Variants in CPA4 observed in about 807,000 individuals in gnomAD.
CPA4 encodes the protein carboxypeptidase A3.
A neutral mutation model predicts 54.7 loss-of-function variants in CPA4; 49 were observed. The observed-to-expected ratio is 0.90, with a 90% confidence interval of 0.71 to 1.14. CPA4 has a LOEUF of 1.14. Among genes scored for constraint, CPA4 ranks in the 50% most tolerant of loss-of-function variants. The pLI, the probability that CPA4 is intolerant of heterozygous loss-of-function variation, is 0.00. For missense variants in CPA4, 487 were observed against 525.1 expected (o/e 0.93, Z 0.71); for synonymous variants, 215 against 206.8 (o/e 1.04, Z -0.34).
chr7:130,297,651 G>A (rs1371087671), intron 1 of CPA4, among the ~76,000 whole-genome samples: 2 of 152,152 alleles, frequency 1.3e-5, no homozygotes, highest in East Asian at 3.9e-4. Flanking sequence ...GATGAAACCG[G>A]TTTTCTGATG....
rs1562930086 is a variant in CPA4, at chr7:130,306,831, G to A, written c.636G>A (p.Leu212=). 1 of 1,611,594 alleles carries A rather than the reference G, an allele frequency of 6.2e-7. No homozygotes were observed. Among genetic ancestry groups the A allele is most frequent in the African/African-American group, 1.3e-5 (1 of 74,984 alleles). Residue 212 remains leucine, a synonymous_variant, in exon 7 of 11, where the codon TTG becomes TTA. Coordinates refer to ENST00000222482, the MANE Select transcript of CPA4 (RefSeq NM_016352.4). ...GGGATCCAGCTATCACCTCCATCTT[G>A]GAGAAAATGGATATTTTCTTGTTGC... ...YQRDPAITSI[L]EKMDIFLLPV... is the part of the protein sequence containing the mutation.
At chr7:130,317,065 C>T (rs938187338) in intron 10 of CPA4, among the ~76,000 whole-genome samples, 2 of 152,118 alleles carry the variant, frequency 1.3e-5, no homozygotes, top group Non-Finnish European at 2.9e-5. Context: ...TATGGCTGAG[C>T]ATATCTTGTA....
intron 1 of CPA4, among the ~76,000 whole-genome samples, chr7:130,295,475 C>T (rs1397516026): frequency 6.6e-6 from 1 of 152,186 alleles, no homozygotes; most frequent in African/African-American, 2.4e-5. Flanking sequence ...CCTCCCAGGC[C>T]AATTTCCATC....
rs1468597120 is a variant in CPA4 at position 130,311,443 on chromosome 7, A to G, written c.993+457A>G. Among the ~76,000 whole-genome samples, 5 of 152,304 alleles carry G rather than the reference A, an allele frequency of 3.3e-5. No individual in the cohort carries two copies. In the East Asian group the frequency reaches 7.7e-4, roughly 24 times the overall value. ...GGAGGGTGACTGCAGGTGGCTGCCC[A>G]GGCTCACAGCCAGCCCTTAAACCTC... On this transcript the variant is annotated intron_variant, in intron 9 of 10. Transcript: ENST00000222482.
intron 6 of CPA4, 113 bp downstream of exon 6, chr7:130,306,033 T>G (rs1793815337): frequency 2.4e-6 from 2 of 820,562 alleles, no homozygotes; most frequent in African/African-American, 3.4e-5. Flanking sequence ...TAAGACCCAG[T>G]CGGCTGGGGG....
At chr7:130,311,941 G>A (rs774592059) in intron 9 of CPA4, 97 bp from the exon 10 acceptor site, 70 of 876,824 alleles carry the variant, frequency 8.0e-5, no homozygotes, top group East Asian at 2.0e-4. Flanking sequence ...AATCGGGGGG[G>A]GCTGAGAATC....
rs188433952 is a variant in CPA4 at position 130,297,854 on chromosome 7, T to C, written c.69-892T>C. 3.9e-5 allele frequency among the ~76,000 whole-genome samples: 6 copies of C among 152,306 alleles called. No individual in the cohort carries two copies. In the East Asian group the frequency reaches 1.2e-3, roughly 29 times the overall value. The stretch of plus-strand genomic sequence containing the variant: ...ATGGCTCCCATCTCCCCCAGCCAGC[T>C]GAGAGCATAAAGGCAGCATTTCAGG... On this transcript the variant is annotated intron_variant, in intron 1 of 10. Coordinates refer to ENST00000222482, the MANE Select transcript of CPA4 (RefSeq NM_016352.4).
chr7:130,308,656 C>T (rs1793864768), intron 8 of CPA4, among the ~76,000 whole-genome samples: 2 of 151,738 alleles, frequency 1.3e-5, no homozygotes, highest in South Asian at 4.2e-4. Flanking sequence ...CTCCTGGGTT[C>T]AAGTGATTCT....
At chr7:130,316,892 A>T (rs1184034410) in intron 10 of CPA4, among the ~76,000 whole-genome samples, 1 of 144,844 alleles carries the variant, frequency 6.9e-6, no homozygotes, top group African/African-American at 2.6e-5. Flanking sequence ...CTGGGCTACA[A>T]GAGCGAAACT....
intron 7 of CPA4, among the ~76,000 whole-genome samples, chr7:130,307,241 GAA>G (rs72406904): frequency 4.7e-5 from 7 of 149,240 alleles, no homozygotes; most frequent in African/African-American, 9.8e-5. Flanking sequence ...ACTGACGATA[GAA>G]AAAAAAAAAT....
In CPA4 at chr7:130,318,436, C is replaced by T. The variant is rs926002874; in HGVS notation, c.1079-4053C>T. ...TTCTTTTCTTTTTGAAATGGAGTTT[C>T]GTTTCGCTCTTGTTGCCCAGGCTGG... is the stretch of plus-strand genomic sequence containing the variant. On this transcript the variant is annotated intron_variant, in intron 10 of 10. Coordinates refer to ENST00000222482, the MANE Select transcript of CPA4 (RefSeq NM_016352.4). Among the ~76,000 whole-genome samples, 14 of 152,266 alleles carry T rather than the reference C, an allele frequency of 9.2e-5. No homozygotes were observed. The Middle Eastern group carries it at 0.014, about 148-fold the overall frequency.
intron 3 of CPA4, 51 bp from the exon 4 acceptor site, chr7:130,300,765 T>C: frequency 3.0e-6 from 4 of 1,333,178 alleles, no homozygotes; most frequent in Non-Finnish European, 4.3e-6. Context: ...AGAAAAAACA[T>C]AAACCTGCGT....
At position 130,308,310 on chromosome 7, in the gene CPA4, C is replaced by T. The variant is rs372059567; in HGVS notation, c.706C>T (p.Arg236Ter). The change falls in exon 8 of 11, where the codon CGA (arginine) becomes TGA (stop). Residue 236 changes from arginine (R) to a stop codon, truncating the protein, a stop_gained. Coordinates refer to ENST00000222482, the MANE Select transcript of CPA4 (RefSeq NM_016352.4). LOFTEE classifies it high-confidence loss of function. ...DGYVYTQTQN[R>*]LWRKTRSRNP... ...CCCTCCTTGGTGGCTTTTTCAGAAC[C>T]GATTATGGAGGAAGACGCGGTCCCG... The T allele has an allele frequency of 4.5e-5, 73 of 1,613,888 alleles. No homozygotes were observed. The highest frequency in any genetic ancestry group is 5.7e-5 in the Non-Finnish European group (67 of 1,179,942).
chr7:130,306,386 AAAAG>A, intron 6 of CPA4: 1 of 214,134 alleles, frequency 4.7e-6, no homozygotes, highest in Admixed American at 5.4e-5. Flanking sequence ...CTGTCTTAAA[AAAAG>A]AAAGAAAGAA....
intron 3 of CPA4, 113 bp downstream of exon 3, chr7:130,299,517 C>T: frequency 4.0e-6 from 4 of 989,810 alleles, no homozygotes; most frequent in Non-Finnish European, 6.0e-6. Flanking sequence ...TTTTATAGAC[C>T]AGGAAATGGA....
intron 4 of CPA4, among the ~76,000 whole-genome samples, chr7:130,304,051 G>A (rs1393956404): frequency 6.6e-6 from 1 of 150,904 alleles, no homozygotes; most frequent in African/African-American, 2.4e-5. Flanking sequence ...GTTTCTTGTA[G>A]AGATGGGGTC....
Position 130,305,823 on chromosome 7 carries a change from C to A in CPA4, c.494C>A (p.Thr165Asn). The A allele has an allele frequency of 6.2e-7, 1 of 1,614,044 alleles. No homozygotes were observed. ...CTTTTCTCCCTTCTGCAGTTCAGCACTGGGAAAGGCGTGAGGCGGCCGGCC... is the reference window on the plus strand; with the variant it reads ...CTTTTCTCCCTTCTGCAGTTCAGCAATGGGAAAGGCGTGAGGCGGCCGGCC... ...NRPMYVLKFS[T>N]GKGVRRPAVW... Residue 165 changes from threonine (T) to asparagine (N), a missense_variant, in exon 6 of 11, where the codon ACT becomes AAT. By Grantham distance (65) the Thr-to-Asn change is moderately conservative. Transcript: ENST00000222482.
chr7:130,302,762 G>A lies in CPA4; in HGVS notation c.385-1716G>A, dbSNP rs73721862. On this transcript the variant is annotated intron_variant, in intron 4 of 10. Coordinates refer to ENST00000222482, the MANE Select transcript of CPA4 (RefSeq NM_016352.4). ...TCCCTAGGGTCAGTGGGTAGAGTGG[G>A]TAGAATTTCCAGGCCCTTTTTGTGG... Among the ~76,000 whole-genome samples, 651 of 152,252 alleles carry A rather than the reference G, an allele frequency of 4.3e-3. 5 individuals are homozygous for A. The highest frequency in any genetic ancestry group is 0.014 in the African/African-American group (600 of 41,552).
intron 1 of CPA4, among the ~76,000 whole-genome samples, chr7:130,298,404 A>G (rs917233289): frequency 6.6e-6 from 1 of 152,264 alleles, no homozygotes; most frequent in African/African-American, 2.4e-5. Context: ...TAAGTCATCC[A>G]TAATCCCACG....
Sources: allele counts gnomAD v4.1 joint callset (sites outside exome capture counted in the v4.1 genomes callset), GRCh38; gene constraint gnomAD v4.1.1; transcripts MANE v1.5; gene names NCBI Gene and HGNC (gene_info 2026-07-23, HGNC 2026-07-21).